Variants in NOX4 observed in about 807,000 individuals in gnomAD.
NOX4 encodes the protein kidney oxidase-1.
Under a neutral mutation model 87.6 loss-of-function variants are expected in NOX4, and 69 were observed. The observed-to-expected ratio is 0.79, with a 90% CI of 0.65 to 0.96. The LOEUF is 0.96. Among genes scored for constraint, NOX4 ranks in the 40% least tolerant of loss-of-function variants. The pLI is 0.00. For synonymous variants in NOX4, 275 were observed against 238.2 expected, an observed-to-expected ratio of 1.15 and a Z score of -1.42; for missense variants, 680 against 681.5, an observed-to-expected ratio of 1.00 and a Z score of 0.02.
the NOX4 span, among the ~76,000 whole-genome samples, chr11:89,587,102 A>G: frequency 6.6e-6 from 1 of 152,146 alleles, no homozygotes; most frequent in African/African-American, 2.4e-5. Flanking sequence ...AATAATCAGA[A>G]TTGTTGAGGA....
chr11:89,574,833 A>G, the NOX4 span, among the ~76,000 whole-genome samples: 1 of 152,212 alleles, frequency 6.6e-6, no homozygotes. Flanking sequence ...ACATTTTCCT[A>G]TGGCTGTGTT....
At chr11:89,362,771 C>T (rs1313834446) in intron 12 of NOX4, among the ~76,000 whole-genome samples, 1 of 151,880 alleles carries the variant, frequency 6.6e-6, no homozygotes, top group Non-Finnish European at 1.5e-5. Flanking sequence ...TCCCCTCCTC[C>T]ACCTACCAAG....
the NOX4 span, among the ~76,000 whole-genome samples, chr11:89,564,220 T>C: frequency 6.6e-6 from 1 of 152,156 alleles, no homozygotes; most frequent in African/African-American, 2.4e-5. Flanking sequence ...GGGTAATTTA[T>C]AAAGAAAAGG....
intron 2 of NOX4, among the ~76,000 whole-genome samples, chr11:89,481,076 G>A (rs921259739): frequency 1.8e-4 from 28 of 151,834 alleles, no homozygotes; most frequent in African/African-American, 6.5e-4. Flanking sequence ...TCCTACTGAC[G>A]AGCAAACATA....
At chr11:89,377,711 T>TA (rs1275904681) in intron 11 of NOX4, among the ~76,000 whole-genome samples, 1 of 152,130 alleles carries the variant, frequency 6.6e-6, no homozygotes, top group Non-Finnish European at 1.5e-5. Flanking sequence ...CGCCTTTTAA[T>TA]AAAAATCAAA....
intron 7 of NOX4, among the ~76,000 whole-genome samples, chr11:89,425,946 C>T (rs1416558275): frequency 2.6e-5 from 4 of 151,986 alleles, no homozygotes; most frequent in African/African-American, 9.7e-5. Flanking sequence ...GGAAATATAT[C>T]TTATATTCCT....
At chr11:89,514,758 C>T in the NOX4 span, among the ~76,000 whole-genome samples, 11 of 151,914 alleles carry the variant, frequency 7.2e-5, no homozygotes, top group East Asian at 1.6e-3. Flanking sequence ...TATGATGATG[C>T]ATTACATTGA....
upstream of NOX4, among the ~76,000 whole-genome samples, chr11:89,501,579 T>A (rs1335663037): frequency 6.6e-6 from 1 of 152,074 alleles, no homozygotes; most frequent in East Asian, 1.9e-4. Context: ...AAGAATTTTA[T>A]TATCATAAGA....
chr11:89,453,034 ACT>A (rs34820651), intron 2 of NOX4, among the ~76,000 whole-genome samples: 60,491 of 151,732 alleles, frequency 0.4, 12,436 homozygotes, highest in East Asian at 0.52. Context: ...AAAGGGCGAG[ACT>A]CTGTCTCAAA....
upstream of NOX4, chr11:89,491,516 C>A: frequency 6.4e-6 from 3 of 469,500 alleles, no homozygotes; most frequent in East Asian, 3.7e-5. Context: ...TCTGAGCGCG[C>A]GGCCCAGGCT....
intron 7 of NOX4, 30 bp from the exon 8 acceptor site, chr11:89,422,012 C>T (rs377278009): frequency 1.7e-5 from 20 of 1,145,080 alleles, no homozygotes; most frequent in Non-Finnish European, 2.3e-5. Flanking sequence ...CATTTTAATG[C>T]TACTTTACAT....
intron 8 of NOX4, among the ~76,000 whole-genome samples, chr11:89,415,335 T>C (rs1453426661): frequency 6.6e-6 from 1 of 152,006 alleles, no homozygotes; most frequent in African/African-American, 2.4e-5. Flanking sequence ...GTAGCCTTCA[T>C]GGAAGAAAAA....
At chr11:89,451,927 TA>T in intron 2 of NOX4, 32 bp from the exon 3 acceptor site, 1 of 1,450,396 alleles carries the variant, frequency 6.9e-7, no homozygotes, top group Admixed American at 1.7e-5. Context: ...AGCACACAGT[TA>T]AGGACAGTAG....
At chr11:89,435,722 C>T (rs962765680) in intron 6 of NOX4, among the ~76,000 whole-genome samples, 1 of 152,076 alleles carries the variant, frequency 6.6e-6, no homozygotes, top group African/African-American at 2.4e-5. Context: ...GACGACCCAG[C>T]CAATGATGTA....
intron 8 of NOX4, among the ~76,000 whole-genome samples, chr11:89,415,203 C>T (rs904306934): frequency 1.3e-5 from 2 of 151,822 alleles, no homozygotes; most frequent in Admixed American, 1.3e-4. Flanking sequence ...TAAGAATAGT[C>T]CCTGTCACAT....
chr11:89,574,748 G>T, the NOX4 span, among the ~76,000 whole-genome samples: 1 of 152,112 alleles, frequency 6.6e-6, no homozygotes, highest in East Asian at 1.9e-4. Context: ...TAGCCCCAAA[G>T]AAAATACTAC....
chr11:89,461,198 A>G (rs991487131), intron 2 of NOX4, among the ~76,000 whole-genome samples: 1 of 151,994 alleles, frequency 6.6e-6, no homozygotes, highest in African/African-American at 2.4e-5. Context: ...TAGGAGATAT[A>G]CCTAATGTTA....
At chr11:89,329,355 T>C (rs1407001131) in intron 17 of NOX4, among the ~76,000 whole-genome samples, 1 of 28,774 alleles carries the variant, frequency 3.5e-5, no homozygotes, top group Non-Finnish European at 7.1e-5. Context: ...AGAAAAAAAC[T>C]GAAAAAAAAA....
At chr11:89,586,971 T>C in the NOX4 span, among the ~76,000 whole-genome samples, 317 of 150,472 alleles carry the variant, frequency 2.1e-3, 10 homozygotes, top group East Asian at 0.052. Context: ...ATGGAATCTG[T>C]ATGTTTTTTC....
Sources: gnomAD v4.1 joint callset for allele counts (sites outside exome capture counted in the v4.1 genomes callset) on GRCh38, gnomAD v4.1.1 for gene constraint, MANE v1.5 for transcripts, NCBI Gene and HGNC (gene_info 2026-07-23, HGNC 2026-07-21) for gene names.